Variants in BRINP3 observed in about 807,000 individuals in gnomAD.
BRINP3 encodes BMP/retinoic acid inducible neural specific 3, also known as BMP/retinoic acid-inducible neural-specific protein 3.
A neutral mutation model predicts 71.0 loss-of-function variants in BRINP3; 19 were observed. That is an observed-to-expected ratio of 0.27 (90% confidence interval 0.19 to 0.39). The LOEUF is 0.39. Among genes scored for constraint, BRINP3 ranks in the 10% least tolerant of loss-of-function variants. The pLI is 1.00. For synonymous variants in BRINP3, 380 were observed against 337.7 expected, an observed-to-expected ratio of 1.13 and a Z score of -1.37; for missense variants, 959 against 940.8, an observed-to-expected ratio of 1.02 and a Z score of -0.25.
chr1:190,325,234 T>G (rs1019366576), intron 2 of BRINP3, among the ~76,000 whole-genome samples: 3 of 151,968 alleles, frequency 2.0e-5, no homozygotes, highest in Non-Finnish European at 2.9e-5. Context: ...AATTTTTGAT[T>G]TGATTATAAT....
At chr1:190,244,081 T>C (rs1422661749) in intron 4 of BRINP3, among the ~76,000 whole-genome samples, 3 of 152,044 alleles carry the variant, frequency 2.0e-5, no homozygotes, top group Non-Finnish European at 2.9e-5. Flanking sequence ...TATTACAATG[T>C]AATATTAATA....
At chr1:190,297,324 G>A (rs972786953) in intron 2 of BRINP3, among the ~76,000 whole-genome samples, 4 of 151,608 alleles carry the variant, frequency 2.6e-5, no homozygotes, top group African/African-American at 9.7e-5. Flanking sequence ...ATTCATAAGT[G>A]AAGGATTAAA....
chr1:190,451,782 C>A (rs1675624551), intron 2 of BRINP3, among the ~76,000 whole-genome samples: 1 of 152,072 alleles, frequency 6.6e-6, no homozygotes, highest in South Asian at 2.1e-4. Context: ...AAAATCTTAG[C>A]CCTAGCTATG....
intron 6 of BRINP3, among the ~76,000 whole-genome samples, chr1:190,219,888 ACAGT>A (rs1264124615): frequency 1.3e-5 from 2 of 151,508 alleles, no homozygotes; most frequent in Non-Finnish European, 2.9e-5. Flanking sequence ...AGGGAAATAC[ACAGT>A]CAGAGGGAAA....
At chr1:190,228,880 C>T (rs1657664968) in intron 5 of BRINP3, among the ~76,000 whole-genome samples, 1 of 151,884 alleles carries the variant, frequency 6.6e-6, no homozygotes. Context: ...TGGAACAATG[C>T]TTAACAAAGC....
chr1:190,229,319 C>T (rs1189361958), intron 5 of BRINP3, among the ~76,000 whole-genome samples: 2 of 151,838 alleles, frequency 1.3e-5, no homozygotes, highest in Admixed American at 6.6e-5. Context: ...ATAAATGGGA[C>T]CTCCCCTGCA....
At chr1:190,100,404 CA>C (rs1651601264) in intron 7 of BRINP3, among the ~76,000 whole-genome samples, 2 of 152,064 alleles carry the variant, frequency 1.3e-5, no homozygotes, top group African/African-American at 4.8e-5. Context: ...ATATAATACC[CA>C]TTTGCCAAAA....
intron 2 of BRINP3, among the ~76,000 whole-genome samples, chr1:190,401,347 G>A (rs1050144448): frequency 1.5e-5 from 2 of 135,692 alleles, no homozygotes; most frequent in Non-Finnish European, 3.1e-5. Context: ...AACAGAACCA[G>A]GCACCAGGCA....
At chr1:190,397,648 A>G (rs568803493) in intron 2 of BRINP3, among the ~76,000 whole-genome samples, 8 of 152,180 alleles carry the variant, frequency 5.3e-5, no homozygotes, top group African/African-American at 1.2e-4. Flanking sequence ...TGAAATTTAG[A>G]TATCACCTGT....
chr1:190,268,050 C>A (rs1357783648), intron 3 of BRINP3, among the ~76,000 whole-genome samples: 1 of 151,704 alleles, frequency 6.6e-6, no homozygotes, highest in Non-Finnish European at 1.5e-5. Context: ...GAACAATATC[C>A]AACAGTAACT....
At chr1:190,212,009 A>G (rs1294631091) in intron 6 of BRINP3, among the ~76,000 whole-genome samples, 1 of 152,128 alleles carries the variant, frequency 6.6e-6, no homozygotes, top group Admixed American at 6.6e-5. Context: ...GCTACAAATT[A>G]CAGTATAGTG....
chr1:190,317,684 A>G (rs1403600677), intron 2 of BRINP3, among the ~76,000 whole-genome samples: 1 of 152,144 alleles, frequency 6.6e-6, no homozygotes, highest in Non-Finnish European at 1.5e-5. Context: ...AAATAAGCAT[A>G]TATTTTTTCA....
intron 3 of BRINP3, among the ~76,000 whole-genome samples, chr1:190,268,076 C>T (rs1661807315): frequency 6.6e-6 from 1 of 152,126 alleles, no homozygotes. Context: ...AAATGCTTAT[C>T]TCATGACCAA....
At chr1:190,310,676 T>C (rs1383461262) in intron 2 of BRINP3, among the ~76,000 whole-genome samples, 1 of 151,650 alleles carries the variant, frequency 6.6e-6, no homozygotes, top group East Asian at 1.9e-4. Flanking sequence ...TTACTCAATC[T>C]CCCTCCCTTT....
At chr1:190,337,897 T>G (rs1406931585) in intron 2 of BRINP3, among the ~76,000 whole-genome samples, 1 of 152,064 alleles carries the variant, frequency 6.6e-6, no homozygotes, top group Non-Finnish European at 1.5e-5. Context: ...TTGTTCTGTG[T>G]TTTTTAAACT....
At chr1:190,384,540 T>G (rs1670759876) in intron 2 of BRINP3, among the ~76,000 whole-genome samples, 1 of 151,776 alleles carries the variant, frequency 6.6e-6, no homozygotes, top group African/African-American at 2.4e-5. Flanking sequence ...GTTCAGGAGC[T>G]TAGTCTATAG....
At chr1:190,374,895 A>G (rs1182738668) in intron 2 of BRINP3, among the ~76,000 whole-genome samples, 2 of 152,044 alleles carry the variant, frequency 1.3e-5, no homozygotes, top group East Asian at 3.8e-4. Context: ...AATATCCAGG[A>G]AAATTTTGGA....
chr1:190,419,194 T>G (rs1243888446), intron 2 of BRINP3, among the ~76,000 whole-genome samples: 1 of 151,970 alleles, frequency 6.6e-6, no homozygotes, highest in Non-Finnish European at 1.5e-5. Context: ...AAATAAAAAA[T>G]GAATGTTTCA....
chr1:190,225,585 T>C (rs549650796), intron 6 of BRINP3, among the ~76,000 whole-genome samples: 2 of 151,954 alleles, frequency 1.3e-5, no homozygotes, highest in Non-Finnish European at 2.9e-5. Context: ...TATGTATGTT[T>C]TAACCAAGTA....
Sources: allele counts gnomAD v4.1 joint callset (sites outside exome capture counted in the v4.1 genomes callset), GRCh38; gene constraint gnomAD v4.1.1; transcripts MANE v1.5; gene names NCBI Gene and HGNC (gene_info 2026-07-23, HGNC 2026-07-21).